Variants in CEP250 observed in about 807,000 individuals in gnomAD.
CEP250 encodes centrosome-associated protein CEP250.
A neutral mutation model predicts 315.7 loss-of-function variants in CEP250; 242 were observed. The observed-to-expected ratio is 0.77, with a 90% CI of 0.69 to 0.85. The LOEUF (loss-of-function observed/expected upper bound fraction) is 0.85. Ranked by LOEUF, CEP250 falls within the 40% of genes least tolerant of loss-of-function variation. The probability of loss-of-function intolerance (pLI) is 0.00; values close to 1 mark genes in which losing one functional copy is unlikely to be tolerated. For synonymous variants in CEP250, 1,088 were observed against 1,175.0 expected (o/e 0.93, Z 1.51); for missense variants, 2,515 against 2,886.4 (o/e 0.87, Z 2.95).
intron 21 of CEP250, 135 bp from the exon 22 acceptor site, chr20:35,491,077 C>G (rs2063675911): frequency 9.9e-6 from 11 of 1,112,512 alleles, no homozygotes; most frequent in Non-Finnish European, 1.4e-5. Context: ...AACCCATGGG[C>G]TCAGACCTTC....
At chr20:35,508,773 C>G (rs2064269938) in intron 32 of CEP250, among the ~76,000 whole-genome samples, 170 bp from the exon 33 acceptor site, 2 of 152,150 alleles carry the variant, frequency 1.3e-5, no homozygotes, top group South Asian at 4.1e-4. Context: ...AGGAGCACTT[C>G]TTTGCACTGA....
At chr20:35,469,794 T>G (rs1601143969) in intron 9 of CEP250, 96 bp from the exon 10 acceptor site, 7 of 625,348 alleles carry the variant, frequency 1.1e-5, no homozygotes, top group South Asian at 2.6e-5. Flanking sequence ...CAGTTGGGAG[T>G]GGTTGGGGTT....
Position 35,493,419 on chromosome 20 carries a change from C to G in CEP250, c.2890-10C>G, listed in dbSNP as rs1187353026. Reference sequence around the variant, plus strand: ...TTTCCTCTACTCAATGATTTCTTATCCCTCTTCAGGAGACCACTGGGATAC... The same window carrying G: ...TTTCCTCTACTCAATGATTTCTTATGCCTCTTCAGGAGACCACTGGGATAC... On this transcript the variant is annotated splice_polypyrimidine_tract_variant and intron_variant, in intron 22 of 34. Coordinates refer to ENST00000397527, the MANE Select transcript of CEP250 (RefSeq NM_007186.6). The G allele has an allele frequency of 2.6e-6, 4 of 1,546,566 alleles. No individual in the cohort carries two copies. Among genetic ancestry groups the G allele is most frequent in the Non-Finnish European group, 3.5e-6 (4 of 1,150,884 alleles).
rs1469575277 is a variant in CEP250, at chr20:35,518,639, T to C, written c.*7013T>C. The C allele has an allele frequency of 1.3e-5, 2 of 152,184 alleles. No individual in the cohort carries two copies. The highest frequency in any genetic ancestry group is 2.9e-5 in the Non-Finnish European group (2 of 68,022). The allele number at this position is 152,184 out of a possible 1,614,324, so 9.4% of individuals were successfully genotyped here. A position where few individuals can be genotyped will look rare whatever the true frequency, so the allele number is the denominator to read the frequency against. ...ATTCACTATGATTCAATCATGACAG[T>C]TGCTATTTTTGATGCTCAAATTGCC... On this transcript the variant is annotated 3_prime_UTR_variant, in exon 35 of 35. Transcript: ENST00000397527.
rs2062871321 is a variant in CEP250 at position 35,466,080 on chromosome 20, A to G, written c.368A>G (p.His123Arg). Residue 123 changes from histidine to arginine, a missense_variant, in exon 7 of 35, where the codon CAC becomes CGC. Transcript: ENST00000397527. Reference protein sequence around the residue: ...LAEVNTQLRLHMEKADVVNKA... With the variant: ...LAEVNTQLRLRMEKADVVNKA... ...GAGGTGAACACCCAGCTTCGACTGC[A>G]CATGGAAAAAGCTGACGTGGTGAAT... is the stretch of plus-strand genomic sequence containing the variant. 2.5e-6 allele frequency: 4 copies of G among 1,614,212 alleles called. No individual in the cohort carries two copies. The highest frequency in any genetic ancestry group is 2.5e-6 in the Non-Finnish European group (3 of 1,180,042).
intron 16 of CEP250, among the ~76,000 whole-genome samples, chr20:35,476,960 T>C (rs1197601855): frequency 6.6e-6 from 1 of 152,114 alleles, no homozygotes; most frequent in Non-Finnish European, 1.5e-5. Context: ...GCAATTCTCC[T>C]GCCTCAGCCT....
At chr20:35,459,779 AAAT>A (rs1197677364) in intron 2 of CEP250, among the ~76,000 whole-genome samples, 1 of 151,998 alleles carries the variant, frequency 6.6e-6, no homozygotes, top group Non-Finnish European at 1.5e-5. Flanking sequence ...CTTTCTCTAA[AAAT>A]AATAATAATA....
Position 35,511,397 on chromosome 20 carries a change from G to T in CEP250, c.7100G>T (p.Arg2367Leu), listed in dbSNP as rs138549858. The T allele has an allele frequency of 5.6e-6, 9 of 1,611,830 alleles. No individual in the cohort carries two copies. The highest frequency in any genetic ancestry group is 6.8e-6 in the Non-Finnish European group (8 of 1,178,540). Residue 2367 changes from arginine to leucine, a missense_variant, in exon 35 of 35, where the codon CGG (arginine) becomes CTG (leucine). Coordinates refer to ENST00000397527, the MANE Select transcript of CEP250 (RefSeq NM_007186.6). Reference sequence around the variant, plus strand: ...CTGCAAGCTCAGCTGACTTTGGAGCGGAAGCAGAAGCAGGACTACATCACC... The same window carrying T: ...CTGCAAGCTCAGCTGACTTTGGAGCTGAAGCAGAAGCAGGACTACATCACC... Reference protein sequence around the residue: ...VLLQAQLTLERKQKQDYITRS... With the variant: ...VLLQAQLTLELKQKQDYITRS...
At chr20:35,485,085 G>C (rs1417781302) in intron 20 of CEP250, among the ~76,000 whole-genome samples, 2 of 124,756 alleles carry the variant, frequency 1.6e-5, no homozygotes, top group Non-Finnish European at 3.3e-5. Context: ...AAAAAAAAAA[G>C]GTAAAGGCTG....
At chr20:35,498,214 G>C in intron 26 of CEP250, 147 bp downstream of exon 26, 1 of 711,672 alleles carries the variant, frequency 1.4e-6, no homozygotes, top group Admixed American at 3.1e-5. Flanking sequence ...TTAAGCCCCA[G>C]CTCTACCATT....
At position 35,504,600 on chromosome 20, in the gene CEP250, G is replaced by A; in HGVS notation, c.6231G>A (p.Lys2077=). The A allele has an allele frequency of 6.2e-7, 1 of 1,614,226 alleles. No individual in the cohort carries two copies. The highest frequency in any genetic ancestry group is 8.5e-7 in the Non-Finnish European group (1 of 1,180,032). ...TCCAAGAGAATATGATCCAAGAGAA[G>A]CAGAATCTGGGGCAAGAGAGAGAAG... ...QRVQENMIQE[K]QNLGQEREEE... The change falls in exon 30 of 35, where the codon AAG becomes AAA. Residue 2077 remains lysine (K), a synonymous_variant. Transcript: ENST00000397527.
Position 35,514,916 on chromosome 20 carries a change from T to A in CEP250, c.*3290T>A, listed in dbSNP as rs938134717. 6 of 152,178 alleles carry A rather than the reference T, an allele frequency of 3.9e-5. No homozygotes were observed. Among genetic ancestry groups the A allele is most frequent in the African/African-American group, 1.2e-4 (5 of 41,430 alleles). The allele number at this position is 152,178 out of a possible 1,614,324, so 9.4% of individuals were successfully genotyped here. Reference sequence around the variant, plus strand: ...CTTTAAGTGCAGGGGAGTTCTGTTGTCCACGTTATTCTTAAAGCCCAGAAT... The same window carrying A: ...CTTTAAGTGCAGGGGAGTTCTGTTGACCACGTTATTCTTAAAGCCCAGAAT... On this transcript the variant is annotated 3_prime_UTR_variant, in exon 35 of 35. Coordinates refer to ENST00000397527, the MANE Select transcript of CEP250 (RefSeq NM_007186.6).
At chr20:35,501,344 G>GA (rs1343357159) in intron 28 of CEP250, among the ~76,000 whole-genome samples, 1 of 151,840 alleles carries the variant, frequency 6.6e-6, no homozygotes, top group Non-Finnish European at 1.5e-5. Context: ...CTCAAAAAAA[G>GA]AAAAAAAGAG....
intron 9 of CEP250, 56 bp downstream of exon 9, chr20:35,467,611 G>C: frequency 6.4e-7 from 1 of 1,565,762 alleles, no homozygotes; most frequent in Non-Finnish European, 8.6e-7. Flanking sequence ...GACTCCTTTA[G>C]AGGGTTAGGG....
At chr20:35,480,455 G>C (rs1232154310) in intron 20 of CEP250, among the ~76,000 whole-genome samples, 2 of 152,056 alleles carry the variant, frequency 1.3e-5, no homozygotes, top group African/African-American at 4.8e-5. Context: ...GAATATCTTG[G>C]ATGCATTCTT....
At chr20:35,471,531 GA>G (rs2063024373) in intron 10 of CEP250, among the ~76,000 whole-genome samples, 2 of 152,164 alleles carry the variant, frequency 1.3e-5, no homozygotes, top group Admixed American at 1.3e-4. Context: ...ACACAAATAG[GA>G]AGGAAGAGAG....
rs147820343 is a variant in CEP250 at position 35,456,696 on chromosome 20, G to A, written c.-298+945G>A. 1.1e-3 allele frequency among the ~76,000 whole-genome samples: 170 copies of A among 151,996 alleles called. 1 individual carries two copies. Among genetic ancestry groups the A allele is most frequent in the Non-Finnish European group, 1.9e-3 (131 of 68,004 alleles). ...TAATGTTCATGCTTTAACAGCTAAT[G>A]TAATGGAGAGAGTGTAGAATTTGGA... On this transcript the variant is annotated intron_variant, in intron 1 of 34. Transcript: ENST00000397527.
intron 20 of CEP250, among the ~76,000 whole-genome samples, chr20:35,483,578 C>T (rs1430244645): frequency 6.6e-6 from 1 of 151,100 alleles, no homozygotes; most frequent in Non-Finnish European, 1.5e-5. Flanking sequence ...CTATGTTATC[C>T]AGGCTGGTCT....
chr20:35,489,560 A>G (rs1416931732), intron 20 of CEP250, among the ~76,000 whole-genome samples: 3 of 152,216 alleles, frequency 2.0e-5, no homozygotes, highest in Non-Finnish European at 4.4e-5. Flanking sequence ...AATTGAGATC[A>G]TGCTAGTAGT....
Sources: allele counts gnomAD v4.1 joint callset (sites outside exome capture counted in the v4.1 genomes callset), GRCh38; gene constraint gnomAD v4.1.1; transcripts MANE v1.5; gene names NCBI Gene and HGNC (gene_info 2026-07-23, HGNC 2026-07-21).